The following NELL1 variants were observed in gnomAD, a reference collection of about 807,000 sequenced individuals.
NELL1 encodes neural EGFL like 1.
In NELL1, 76 loss-of-function variants were observed where a neutral mutation model predicts 107.4. The ratio of observed to expected loss-of-function variants is 0.71; its 90% CI spans 0.59 to 0.86. The LOEUF is 0.86. Ranked by LOEUF, NELL1 falls within the 40% of genes least tolerant of loss-of-function variation. The pLI is 0.00. For missense variants in NELL1, 1,024 were observed against 1,005.5 expected, an observed-to-expected ratio of 1.02 and a Z score of -0.25; for synonymous variants, 353 against 341.2, an observed-to-expected ratio of 1.03 and a Z score of -0.38.
chr11:20,689,285 ATTT>A (rs954418719), intron 2 of NELL1, among the ~76,000 whole-genome samples: 54 of 150,368 alleles, frequency 3.6e-4, no homozygotes, highest in African/African-American at 1.3e-3. Context: ...TTTATTTTTT[ATTT>A]TTTATTATTA....
At chr11:20,848,079 G>A (rs913920803) in intron 4 of NELL1, among the ~76,000 whole-genome samples, 2 of 152,184 alleles carry the variant, frequency 1.3e-5, no homozygotes, top group African/African-American at 4.8e-5. Flanking sequence ...ACAGTTAACG[G>A]TGATGTATTG....
At chr11:20,794,310 A>G (rs1224738390) in intron 3 of NELL1, among the ~76,000 whole-genome samples, 5 of 152,234 alleles carry the variant, frequency 3.3e-5, no homozygotes, top group Admixed American at 2.0e-4. Context: ...ACGTGGAAAT[A>G]GCATAGGTAA....
At chr11:21,570,615 G>A in intron 17 of NELL1, 149 bp from the exon 18 acceptor site, 1 of 484,242 alleles carries the variant, frequency 2.1e-6, no homozygotes, top group Non-Finnish European at 3.5e-6. Flanking sequence ...GAAAGGGTGT[G>A]TTTGTGTGAA....
chr11:20,906,749 A>C (rs779867493), intron 5 of NELL1, among the ~76,000 whole-genome samples: 13 of 152,082 alleles, frequency 8.5e-5, no homozygotes, highest in Non-Finnish European at 1.8e-4. Flanking sequence ...GCCCTACAGG[A>C]TCATCTCAAT....
intron 12 of NELL1, among the ~76,000 whole-genome samples, chr11:20,992,503 G>T (rs1851997246): frequency 6.6e-6 from 1 of 152,146 alleles, no homozygotes; most frequent in Non-Finnish European, 1.5e-5. Context: ...AAGTTAAGAA[G>T]GTGGGTTCTA....
rs1483190339 is a variant in NELL1, at chr11:20,783,735, G to T, written c.240G>T (p.Leu80=). 14 of 1,613,774 alleles carry T rather than the reference G, an allele frequency of 8.7e-6. No homozygotes were observed. The highest frequency in any genetic ancestry group is 1.2e-5 in the Non-Finnish European group (14 of 1,179,872). The change falls in exon 3 of 20, where the codon CTG becomes CTT. Residue 80 remains leucine (L), a synonymous_variant. Coordinates refer to ENST00000357134, the MANE Select transcript of NELL1 (RefSeq NM_006157.5). The part of the protein sequence containing the change: ...APHVSEKLIQ[L]FRNKSEFTIL... ...ATGTGAGTGAGAAATTAATTCAGCT[G>T]TTCCGGAACAAGAGTGAATTCACCA...
At chr11:21,401,513 C>A (rs906655069) in intron 15 of NELL1, among the ~76,000 whole-genome samples, 1 of 150,284 alleles carries the variant, frequency 6.7e-6, no homozygotes. Flanking sequence ...AGTTATAACA[C>A]GTTTCCTGTA....
chr11:21,292,717 G>A (rs1849298147), intron 14 of NELL1, among the ~76,000 whole-genome samples: 1 of 152,158 alleles, frequency 6.6e-6, no homozygotes, highest in Non-Finnish European at 1.5e-5. Flanking sequence ...TCATGGTACT[G>A]ATACCAAAAC....
intron 13 of NELL1, among the ~76,000 whole-genome samples, chr11:21,216,648 T>C (rs1857620137): frequency 6.6e-6 from 1 of 152,172 alleles, no homozygotes; most frequent in Admixed American, 6.5e-5. Flanking sequence ...CCCTATTGGA[T>C]TTTGGACTTG....
intron 15 of NELL1, among the ~76,000 whole-genome samples, chr11:21,404,801 T>C: frequency 7.2e-6 from 1 of 138,340 alleles, no homozygotes; most frequent in African/African-American, 2.6e-5. Flanking sequence ...TCAGCATTAC[T>C]GCTAGGATCT....
chr11:21,224,446 T>C (rs1258591220), intron 13 of NELL1, among the ~76,000 whole-genome samples: 1 of 151,628 alleles, frequency 6.6e-6, no homozygotes, highest in Non-Finnish European at 1.5e-5. Flanking sequence ...CACTCTGGTC[T>C]CAAACTCCAA....
chr11:20,847,316 A>G (rs919139018), intron 3 of NELL1, among the ~76,000 whole-genome samples: 2 of 152,188 alleles, frequency 1.3e-5, no homozygotes, highest in African/African-American at 2.4e-5. Flanking sequence ...GAAACACTGC[A>G]CTGAGTTTTG....
chr11:21,172,181 A>G (rs1856621690), intron 13 of NELL1, among the ~76,000 whole-genome samples: 1 of 151,822 alleles, frequency 6.6e-6, no homozygotes, highest in Non-Finnish European at 1.5e-5. Flanking sequence ...TCTGGCCTAT[A>G]TGTCTCCTCA....
intron 2 of NELL1, among the ~76,000 whole-genome samples, chr11:20,767,865 C>T (rs769287985): frequency 5.3e-5 from 8 of 152,066 alleles, no homozygotes; most frequent in Admixed American, 3.9e-4. Context: ...GCAAAGATGG[C>T]CAATGGCCAA....
intron 12 of NELL1, among the ~76,000 whole-genome samples, chr11:21,030,359 A>T (rs969548423): frequency 6.6e-6 from 1 of 152,188 alleles, no homozygotes; most frequent in Non-Finnish European, 1.5e-5. Flanking sequence ...TTTTAGTCGT[A>T]CAGACAGCAG....
At chr11:20,726,878 A>G (rs1340775233) in intron 2 of NELL1, among the ~76,000 whole-genome samples, 11 of 151,910 alleles carry the variant, frequency 7.2e-5, no homozygotes. Context: ...TAGTTTGCTT[A>G]GAATGATGGT....
chr11:21,309,249 A>AAT (rs1849673327), intron 14 of NELL1, among the ~76,000 whole-genome samples: 3 of 101,946 alleles, frequency 2.9e-5, no homozygotes, highest in African/African-American at 1.1e-4. Flanking sequence ...ACCCACTCTA[A>AAT]ATATATATAT....
intron 15 of NELL1, among the ~76,000 whole-genome samples, chr11:21,396,712 T>C (rs1279239976): frequency 1.3e-5 from 2 of 151,652 alleles, no homozygotes; most frequent in Non-Finnish European, 3.0e-5. Context: ...GTATTGCTTC[T>C]GTTTCTGAGG....
intron 12 of NELL1, among the ~76,000 whole-genome samples, chr11:20,992,624 G>A (rs1311481553): frequency 6.6e-6 from 1 of 151,986 alleles, no homozygotes; most frequent in African/African-American, 2.4e-5. Context: ...GGTACTGCCT[G>A]GAGCATAAAC....
Sources: gnomAD v4.1 joint callset for allele counts (sites outside exome capture counted in the v4.1 genomes callset) on GRCh38, gnomAD v4.1.1 for gene constraint, MANE v1.5 for transcripts, NCBI Gene and HGNC (gene_info 2026-07-23, HGNC 2026-07-21) for gene names.